UNC13A: variants seen among roughly 807,000 people sequenced by gnomAD.
The protein encoded by UNC13A is protein unc-13 homolog A.
A neutral mutation model predicts 219.7 loss-of-function variants in UNC13A; 61 were observed. The ratio of observed to expected loss-of-function variants is 0.28; its 90% confidence interval spans 0.23 to 0.34. UNC13A has a LOEUF of 0.34. UNC13A is among the 10% of genes least tolerant of loss of function. The pLI is 1.00. For missense variants in UNC13A, 1,476 were observed against 2,270.3 expected, an observed-to-expected ratio of 0.65 and a Z score of 7.11; for synonymous variants, 920 against 884.6, an observed-to-expected ratio of 1.04 and a Z score of -0.71.
Position 17,640,628 on chromosome 19 carries a change from G to C in UNC13A, c.2670C>G (p.Cys890Trp). ...TGCTCATGACGGCAGGCACCCCTGG[G>C]CACATATACTTGGAGGAGAGGCAGG... ...HFACLSSKYM[C>W]PGVPAVMSTL... Residue 890 changes from cysteine to tryptophan, a missense_variant, in exon 22 of 44, where the codon TGC becomes TGG. Cys to Trp is a radical substitution (Grantham distance 215). Transcript: ENST00000519716. The C allele has an allele frequency of 6.3e-7, 1 of 1,592,636 alleles. No homozygotes were observed.
chr19:17,670,723 G>T (rs2079769342), intron 4 of UNC13A, among the ~76,000 whole-genome samples: 1 of 151,850 alleles, frequency 6.6e-6, no homozygotes, highest in Non-Finnish European at 1.5e-5. Flanking sequence ...GGCCAACATG[G>T]CGAAACCCCA....
Position 17,649,130 on chromosome 19 carries a change from A to G in UNC13A, c.1525-147T>C. ...ACAGGTCACCGACAGCATCCGGGCC[A>G]GACCCAACAAAGAATTAGGAGGTGA... On this transcript the variant is annotated intron_variant, in intron 14 of 43. Coordinates refer to ENST00000519716, the MANE Select transcript of UNC13A (RefSeq NM_001080421.3). This position sits in a 1 kb window ranked among gnomAD's most constrained non-coding sequence, Gnocchi z 4.4. 8.4e-7 allele frequency: 1 copy of G among 1,189,376 alleles called. No individual in the cohort carries two copies. The highest frequency in any genetic ancestry group is 1.5e-5 in the African/African-American group (1 of 65,406). 73.7% of individuals were successfully genotyped at this position (1,189,376 alleles called of 1,614,324 possible).
In UNC13A at chr19:17,630,376, C is replaced by A. The variant is rs964707377; in HGVS notation, c.3526-88G>T. The A allele has an allele frequency of 7.3e-6, 11 of 1,508,350 alleles. No homozygotes were observed. The Admixed American group carries it at 1.7e-4, about 24-fold the overall frequency. The allele number at this position is 1,508,350 out of a possible 1,614,324, so 93.4% of individuals were successfully genotyped here. ...ACTCTCCCACTCTCCACGGGGAGAG[C>A]CAGAGACCAATTTCCCCGGGGTGAG... On this transcript the variant is annotated intron_variant, in intron 29 of 43. Transcript: ENST00000519716.
At chr19:17,618,771 G>A (rs1012523102) in intron 39 of UNC13A, 135 bp downstream of exon 39, 11 of 877,058 alleles carry the variant, frequency 1.3e-5, no homozygotes, top group Middle Eastern at 2.2e-4. Context: ...GTGCTTCAGT[G>A]AGTAGAGTTT....
At position 17,648,970 on chromosome 19, in the gene UNC13A, G is replaced by A. The variant is rs1232254641; in HGVS notation, c.1538C>T (p.Ser513Phe). Reference protein sequence around the residue: ...VSDLAMSLVQSRKAGITSALA... With the variant: ...VSDLAMSLVQFRKAGITSALA... Reference sequence around the variant, plus strand: ...GGCCGAGGTGATGCCCGCTTTCCTGGACTGGACCAGGGACTGGGGAGGTCA... The same window carrying A: ...GGCCGAGGTGATGCCCGCTTTCCTGAACTGGACCAGGGACTGGGGAGGTCA... The change falls in exon 15 of 44, where the codon TCC becomes TTC. Residue 513 changes from serine (S) to phenylalanine (F), a missense_variant. Ser to Phe is a radical substitution (Grantham distance 155, BLOSUM62 -2). Coordinates refer to ENST00000519716, the MANE Select transcript of UNC13A (RefSeq NM_001080421.3). 34 of 1,603,502 alleles carry A rather than the reference G, an allele frequency of 2.1e-5. No individual in the cohort carries two copies. The highest frequency in any genetic ancestry group is 2.9e-5 in the Non-Finnish European group (34 of 1,175,634).
At chr19:17,641,233 C>T (rs1054412794) in intron 21 of UNC13A, among the ~76,000 whole-genome samples, 160 bp downstream of exon 21, 1 of 152,104 alleles carries the variant, frequency 6.6e-6, no homozygotes, top group Non-Finnish European at 1.5e-5. Flanking sequence ...AGGTGTCAAT[C>T]ACAGCGCTCT....
rs1220139036 is a variant in UNC13A at position 17,611,964 on chromosome 19, G to A, written c.4559-109C>T. 4 of 884,618 alleles carry A rather than the reference G, an allele frequency of 4.5e-6. No homozygotes were observed. The East Asian group carries it at 7.5e-5, about 17-fold the overall frequency. The allele number at this position is 884,618 out of a possible 1,614,324, so 54.8% of individuals were successfully genotyped here. On this transcript the variant is annotated intron_variant, in intron 41 of 43. Coordinates refer to ENST00000519716, the MANE Select transcript of UNC13A (RefSeq NM_001080421.3). ...CTGTGCTGGCGGCACCAGGTCATCA[G>A]CCCTGATAGGGAGGCACTGATGGGG...
Position 17,643,145 on chromosome 19 carries a change from G to A in UNC13A, c.2357-185C>T, listed in dbSNP as rs368839672. ...TCCTGTCTCAGCCTCCCAACTAGCTGGAATTACAGGTGCCTGCCACCGTGC... is the reference window on the plus strand; with the variant it reads ...TCCTGTCTCAGCCTCCCAACTAGCTAGAATTACAGGTGCCTGCCACCGTGC... On this transcript the variant is annotated intron_variant, in intron 19 of 43. Transcript: ENST00000519716. 3.1e-3 allele frequency among the ~76,000 whole-genome samples: 467 copies of A among 152,064 alleles called. 2 individuals carry two copies. The highest frequency in any genetic ancestry group is 5.1e-3 in the Non-Finnish European group (345 of 67,984).
intron 25 of UNC13A, 30 bp from the exon 26 acceptor site, chr19:17,636,187 AG>A: frequency 6.4e-7 from 1 of 1,565,108 alleles, no homozygotes; most frequent in East Asian, 2.3e-5. Flanking sequence ...CCTCGGTTAT[AG>A]GGGGTCCAGA....
chr19:17,634,984 C>T (rs916943639), intron 26 of UNC13A, among the ~76,000 whole-genome samples: 7 of 152,146 alleles, frequency 4.6e-5, no homozygotes, highest in African/African-American at 1.7e-4. Flanking sequence ...CATTCTCCTG[C>T]CTCAGCCTCC....
chr19:17,646,126 G>A lies in UNC13A; in HGVS notation c.2045-15C>T, dbSNP rs762613106. The A allele has an allele frequency of 4.4e-5, 71 of 1,613,024 alleles. No homozygotes were observed. In the East Asian group the frequency reaches 1.5e-3, roughly 34 times the overall value. On this transcript the variant is annotated splice_polypyrimidine_tract_variant and intron_variant, in intron 17 of 43. Transcript: ENST00000519716. ...GGCGCAGACCACTGGAAGACACAGA[G>A]GGCATACACAGGTGTGCACTCAAGA...
intron 7 of UNC13A, among the ~76,000 whole-genome samples, chr19:17,666,024 T>G (rs1459120535): frequency 5.2e-5 from 1 of 19,108 alleles, no homozygotes; most frequent in Admixed American, 3.5e-4. Flanking sequence ...CCTTTCTTCC[T>G]TCTTGTCTTT....
Position 17,639,985 on chromosome 19 carries a change from G to A in UNC13A, c.2788-77C>T, listed in dbSNP as rs146840284. ...ATAGTGGCTGAGCGCCTACTGTACA[G>A]TAAGTATACCTCATCCACCACCCTC... On this transcript the variant is annotated intron_variant, in intron 22 of 43. Coordinates refer to ENST00000519716, the MANE Select transcript of UNC13A (RefSeq NM_001080421.3). 5.4e-4 allele frequency: 766 copies of A among 1,410,060 alleles called. 5 individuals carry two copies. In the African/African-American group the frequency reaches 9.2e-3, roughly 17 times the overall value. The allele number at this position is 1,410,060 out of a possible 1,614,324, so 87.3% of individuals were successfully genotyped here.
chr19:17,618,938 C>T lies in UNC13A; in HGVS notation c.4297G>A (p.Ala1433Thr). ...SDGTQMIFNAAKELGQLSKLK... is the reference protein window; with the variant it reads ...SDGTQMIFNATKELGQLSKLK... ...TTGGACAGCTGACCCAGCTCCTTGG[C>T]TGCATTGAAGATCATCTGGGTTCCC... The change falls in exon 39 of 44, where the codon GCC (alanine) becomes ACC (threonine). Residue 1433 changes from alanine to threonine, a missense_variant. Physicochemically the swap from Ala to Thr is moderately conservative, Grantham distance 58 (BLOSUM62 0). This residue lies in a region of UNC13A where 75 missense variants were observed against 100.2 expected (regional missense o/e 0.75). Coordinates refer to ENST00000519716, the MANE Select transcript of UNC13A (RefSeq NM_001080421.3). The T allele has an allele frequency of 6.2e-7, 1 of 1,614,034 alleles. No individual in the cohort carries two copies. The highest frequency in any genetic ancestry group is 8.5e-7 in the Non-Finnish European group (1 of 1,179,900).
At chr19:17,615,157 C>A (rs1204648633) in intron 41 of UNC13A, among the ~76,000 whole-genome samples, 1 of 152,286 alleles carries the variant, frequency 6.6e-6, no homozygotes, top group East Asian at 1.9e-4. Context: ...AATGATGTAC[C>A]CCTCGTGGGG....
chr19:17,606,440 C>A (rs543512375), intron 43 of UNC13A, 86 bp from the exon 44 acceptor site: 2 of 1,483,118 alleles, frequency 1.3e-6, no homozygotes, highest in East Asian at 5.1e-5. Context: ...ATTTGCGGGC[C>A]ACGCCCACAC....
intron 1 of UNC13A, among the ~76,000 whole-genome samples, chr19:17,686,390 G>T (rs1053748917): frequency 6.6e-6 from 1 of 151,252 alleles, no homozygotes; most frequent in African/African-American, 2.4e-5. Flanking sequence ...GATGCTGGGG[G>T]GAGAAGAGAG....
chr19:17,645,373 C>G (rs1009674982), intron 19 of UNC13A, among the ~76,000 whole-genome samples: 1 of 152,096 alleles, frequency 6.6e-6, no homozygotes, highest in Non-Finnish European at 1.5e-5. Context: ...CTGTCTCTCC[C>G]CTCAGACTAG....
chr19:17,620,539 C>T (rs1251587513), intron 38 of UNC13A, among the ~76,000 whole-genome samples, 154 bp downstream of exon 38: 10 of 151,498 alleles, frequency 6.6e-5, no homozygotes, highest in South Asian at 2.1e-4. Context: ...CCACCCCCCA[C>T]GAGCAAGCCA....
Sources: allele counts gnomAD v4.1 joint callset (sites outside exome capture counted in the v4.1 genomes callset), GRCh38; gene constraint gnomAD v4.1.1; regional missense constraint gnomAD v4.1.1; non-coding constraint Gnocchi (gnomAD v3.1); transcripts MANE v1.5; gene names NCBI Gene and HGNC (gene_info 2026-07-23, HGNC 2026-07-21).